AP4E1: variants seen among roughly 807,000 people sequenced by gnomAD.
The protein encoded by AP4E1 is AP-4 complex subunit epsilon-1.
AP4E1 carries 56 observed loss-of-function variants against 128.2 expected under a neutral mutation model. That is an observed-to-expected ratio of 0.44 (90% CI 0.35 to 0.55). The LOEUF is 0.55. Among genes scored for constraint, AP4E1 ranks in the 20% least tolerant of loss-of-function variants. The pLI is 0.00. For missense variants in AP4E1, 1,324 were observed against 1,307.7 expected (o/e 1.01, Z -0.19); for synonymous variants, 484 against 473.1 (o/e 1.02, Z -0.30).
At position 50,969,881 on chromosome 15, in the gene AP4E1, G is replaced by A. The variant is rs1031358601; in HGVS notation, c.1966+1504G>A. Reference sequence around the variant, plus strand: ...TCACCATGTTAGCCAGGATGGTCTCGATCTCCTGACCTCGTGATCTGCCCG... The same window carrying A: ...TCACCATGTTAGCCAGGATGGTCTCAATCTCCTGACCTCGTGATCTGCCCG... On this transcript the variant is annotated intron_variant, in intron 15 of 20. Coordinates refer to ENST00000261842, the MANE Select transcript of AP4E1 (RefSeq NM_007347.5). Among the ~76,000 whole-genome samples the A allele has an allele frequency of 6.6e-5, 10 of 152,054 alleles. No individual in the cohort carries two copies. The South Asian group carries it at 1.5e-3, about 22-fold the overall frequency.
At chr15:50,946,094 A>G (rs1458707743) in intron 10 of AP4E1, 7 of 601,788 alleles carry the variant, frequency 1.2e-5, no homozygotes, top group Non-Finnish European at 1.5e-5. Context: ...AATTGCATAC[A>G]TTTTAGTTAC....
At chr15:50,979,920 AAT>A (rs1456620369) in intron 15 of AP4E1, among the ~76,000 whole-genome samples, 4 of 152,206 alleles carry the variant, frequency 2.6e-5, no homozygotes, top group African/African-American at 9.7e-5. Flanking sequence ...TGCTATTAAA[AAT>A]ATCTGAAAAT....
At chr15:50,916,556 C>T (rs568975945) in intron 3 of AP4E1, among the ~76,000 whole-genome samples, 9 of 152,252 alleles carry the variant, frequency 5.9e-5, no homozygotes, top group Admixed American at 1.3e-4. Context: ...AATGTCATGT[C>T]GTTAAGGACT....
rs191927941 is a variant in AP4E1, at chr15:50,948,178, C to G, written c.1316+19C>G. 74 of 1,613,230 alleles carry G rather than the reference C, an allele frequency of 4.6e-5. No homozygotes were observed. The East Asian group carries it at 1.5e-3, about 32-fold the overall frequency. On this transcript the variant is annotated intron_variant, in intron 11 of 20. Coordinates refer to ENST00000261842, the MANE Select transcript of AP4E1 (RefSeq NM_007347.5). ...CTGAGAAATATCCTTTTATTTCGACCATGAGTCTTAAAATAGTTAGTTATG... is the reference window on the plus strand; with the variant it reads ...CTGAGAAATATCCTTTTATTTCGACGATGAGTCTTAAAATAGTTAGTTATG...
At chr15:50,970,246 C>T (rs916639414) in intron 15 of AP4E1, among the ~76,000 whole-genome samples, 5 of 152,196 alleles carry the variant, frequency 3.3e-5, no homozygotes, top group African/African-American at 9.7e-5. Flanking sequence ...TTGGTTTCAT[C>T]CATGTTGCCA....
rs971735560 is a variant in AP4E1, at chr15:50,968,602, G to GATAT, written c.1966+226_1966+229dup. On this transcript the variant is annotated intron_variant, in intron 15 of 20. Coordinates refer to ENST00000261842, the MANE Select transcript of AP4E1 (RefSeq NM_007347.5). ...AGGCTCTCTATCCACAAATACCTAA[G>GATAT]ATATGGTAGTCATACTGGAATTTAT... Among the ~76,000 whole-genome samples, 59 of 152,144 alleles carry GATAT rather than the reference G, an allele frequency of 3.9e-4. 1 individual carries two copies. Among genetic ancestry groups the GATAT allele is most frequent in the African/African-American group, 1.4e-3 (57 of 41,504 alleles).
intron 2 of AP4E1, among the ~76,000 whole-genome samples, chr15:50,912,943 A>G (rs2063582428): frequency 6.6e-6 from 1 of 152,176 alleles, no homozygotes; most frequent in Non-Finnish European, 1.5e-5. Context: ...TACTAGGATT[A>G]CAGGTGTGAG....
intron 1 of AP4E1, among the ~76,000 whole-genome samples, chr15:50,910,365 T>A: frequency 6.6e-6 from 1 of 152,208 alleles, no homozygotes; most frequent in East Asian, 1.9e-4. Context: ...AAAGAGCACG[T>A]GTTAATGTCA....
At chr15:51,001,261 G>A in intron 20 of AP4E1, 78 bp downstream of exon 20, 1 of 1,365,640 alleles carries the variant, frequency 7.3e-7, no homozygotes, top group Non-Finnish European at 1.0e-6. Flanking sequence ...ACTCTTACAA[G>A]TATCAGATTT....
intron 18 of AP4E1, among the ~76,000 whole-genome samples, chr15:50,998,139 A>T (rs1567267204): frequency 6.6e-6 from 1 of 152,174 alleles, no homozygotes; most frequent in Non-Finnish European, 1.5e-5. Flanking sequence ...GCTCTAACAG[A>T]TTGCCATTGT....
At chr15:50,920,075 T>TA (rs759743982) in intron 3 of AP4E1, among the ~76,000 whole-genome samples, 250 of 88,124 alleles carry the variant, frequency 2.8e-3, no homozygotes, top group East Asian at 6.9e-3. Flanking sequence ...ATAATATGTC[T>TA]AAAAAAAAAA....
intron 16 of AP4E1, among the ~76,000 whole-genome samples, chr15:50,986,631 A>G (rs2064728035): frequency 6.6e-6 from 1 of 152,152 alleles, no homozygotes; most frequent in Non-Finnish European, 1.5e-5. Flanking sequence ...TGTATATTGA[A>G]CCAGCCTTGC....
At chr15:50,946,139 C>A (rs1385809628) in intron 10 of AP4E1, 6 of 522,002 alleles carry the variant, frequency 1.1e-5, no homozygotes, top group Non-Finnish European at 2.0e-5. Flanking sequence ...CTTTTAGCTA[C>A]CCTGAAAAAT....
At chr15:50,980,888 G>T (rs1409419114) in intron 15 of AP4E1, among the ~76,000 whole-genome samples, 1 of 152,172 alleles carries the variant, frequency 6.6e-6, no homozygotes, top group Non-Finnish European at 1.5e-5. Flanking sequence ...TGCACAGTGT[G>T]CAAGAGCCAT....
chr15:51,001,040 C>T lies in AP4E1; in HGVS notation c.3110C>T (p.Ser1037Leu), dbSNP rs2064955367. 1 of 1,611,882 alleles carries T rather than the reference C, an allele frequency of 6.2e-7. No homozygotes were observed. The highest frequency in any genetic ancestry group is 1.3e-5 in the African/African-American group (1 of 74,862). ...ATTATTTTCAGACCATTAAAAATCT[C>T]AAGTGACGACTTTGGGAAACTCTGG... ...LLDFIRPLKI[S>L]SDDFGKLWLS... The change falls in exon 20 of 21, where the codon TCA becomes TTA. Residue 1037 changes from serine (S) to leucine (L), a missense_variant. Transcript: ENST00000261842.
intron 15 of AP4E1, among the ~76,000 whole-genome samples, chr15:50,975,480 A>G (rs1408531124): frequency 6.6e-6 from 1 of 152,188 alleles, no homozygotes; most frequent in Non-Finnish European, 1.5e-5. Flanking sequence ...TATGTATGGT[A>G]TAAGATAAAG....
chr15:50,954,228 A>G (rs2064187263), intron 13 of AP4E1, among the ~76,000 whole-genome samples: 2 of 152,072 alleles, frequency 1.3e-5, no homozygotes, highest in African/African-American at 4.8e-5. Context: ...TTTTTGTGGT[A>G]TTCCAGTTTT....
chr15:50,933,998 C>T (rs1220462741), intron 7 of AP4E1, among the ~76,000 whole-genome samples: 2 of 151,944 alleles, frequency 1.3e-5, no homozygotes, highest in Admixed American at 1.3e-4. Context: ...GTCTAACAAG[C>T]GTGGAGGCAG....
At chr15:50,925,632 C>CTTT (rs33980264) in intron 5 of AP4E1, among the ~76,000 whole-genome samples, 51 of 138,070 alleles carry the variant, frequency 3.7e-4, no homozygotes, top group East Asian at 2.9e-3. Flanking sequence ...TGGGAAGATG[C>CTTT]TTTTTTTTTT....
Sources: gnomAD v4.1 joint callset for allele counts (sites outside exome capture counted in the v4.1 genomes callset) on GRCh38, gnomAD v4.1.1 for gene constraint, MANE v1.5 for transcripts, NCBI Gene and HGNC (gene_info 2026-07-23, HGNC 2026-07-21) for gene names.